UTS2: variants seen among roughly 807,000 people sequenced by gnomAD.
UTS2 encodes the protein urotensin 2.
In UTS2, 10 loss-of-function variants were observed where a neutral mutation model predicts 12.6. That is an observed-to-expected ratio of 0.80 (90% confidence interval 0.49 to 1.35). The LOEUF (loss-of-function observed/expected upper bound fraction) is 1.35. Ranked by LOEUF, UTS2 falls within the 40% of genes most tolerant of loss-of-function variation. The probability of loss-of-function intolerance (pLI) is 0.00; values close to 1 mark genes in which losing one functional copy is unlikely to be tolerated. For missense variants in UTS2, 142 were observed against 143.2 expected, an observed-to-expected ratio of 0.99 and a Z score of 0.04; for synonymous variants, 52 against 50.0, an observed-to-expected ratio of 1.04 and a Z score of -0.17.
At chr1:7,877,952 T>C in the UTS2 span, among the ~76,000 whole-genome samples, 12 of 152,128 alleles carry the variant, frequency 7.9e-5, no homozygotes, top group African/African-American at 2.9e-4. Flanking sequence ...GCTCAAAGAT[T>C]TCCAAATAGC....
chr1:7,866,992 C>T, the UTS2 span, among the ~76,000 whole-genome samples: 3,107 of 152,266 alleles, frequency 0.02, 90 homozygotes, highest in African/African-American at 0.071. The surrounding 1 kb of genome is among the most constrained non-coding windows in gnomAD (Gnocchi z 4.5). Flanking sequence ...GCCTCAGCCT[C>T]CCAAGTAGCT....
chr1:7,877,126 CA>C, the UTS2 span, among the ~76,000 whole-genome samples: 226 of 62,810 alleles, frequency 3.6e-3, 1 homozygote, highest in African/African-American at 0.012. Flanking sequence ...GAGACTCTAT[CA>C]AAAAAAAAAA....
the UTS2 span, among the ~76,000 whole-genome samples, chr1:7,860,911 G>A: frequency 6.7e-6 from 1 of 148,926 alleles, no homozygotes; most frequent in Non-Finnish European, 1.5e-5. Flanking sequence ...GCATGGTGGT[G>A]GACACCTGGA....
chr1:7,875,757 T>A, the UTS2 span, among the ~76,000 whole-genome samples: 4 of 151,894 alleles, frequency 2.6e-5, no homozygotes, highest in Non-Finnish European at 4.4e-5. Flanking sequence ...GCACCAGCCA[T>A]CATTCAGGAA....
chr1:7,907,241 A>G, the UTS2 span, among the ~76,000 whole-genome samples: 8 of 151,920 alleles, frequency 5.3e-5, no homozygotes, highest in African/African-American at 1.9e-4. Context: ...GGGTGACGAG[A>G]GACTGTCTCA....
chr1:7,898,663 G>A, the UTS2 span, among the ~76,000 whole-genome samples: 1 of 152,014 alleles, frequency 6.6e-6, no homozygotes, highest in Admixed American at 6.6e-5. Context: ...TTTTTTAGTA[G>A]AGACGGGGTT....
At chr1:7,853,437 AATCTTTC>A, upstream of UTS2, 1 of 1,612,972 alleles carries the variant, frequency 6.2e-7, no homozygotes, top group Non-Finnish European at 8.5e-7. Flanking sequence ...TCCATTTTTT[AATCTTTC>A]ATGAGTGAGT....
the UTS2 span, among the ~76,000 whole-genome samples, chr1:7,861,898 T>A: frequency 6.6e-6 from 1 of 151,746 alleles, no homozygotes; most frequent in Admixed American, 6.6e-5. Flanking sequence ...AGAATACTGG[T>A]TTCTAACAAA....
At chr1:7,904,591 A>G in the UTS2 span, among the ~76,000 whole-genome samples, 2 of 152,170 alleles carry the variant, frequency 1.3e-5, no homozygotes, top group Non-Finnish European at 2.9e-5. Flanking sequence ...CGTGTTATGC[A>G]ATATTTATGT....
chr1:7,880,120 T>C, the UTS2 span, among the ~76,000 whole-genome samples: 2 of 151,976 alleles, frequency 1.3e-5, no homozygotes, highest in African/African-American at 4.8e-5. Flanking sequence ...TAGGCAGGCA[T>C]GGTGGCACAC....
chr1:7,876,162 G>A, the UTS2 span, among the ~76,000 whole-genome samples: 2 of 152,116 alleles, frequency 1.3e-5, no homozygotes, highest in Non-Finnish European at 2.9e-5. Context: ...CCCAGGGCTG[G>A]AGGATGAGTC....
chr1:7,857,100 A>G (rs146363668), upstream of UTS2, among the ~76,000 whole-genome samples: 2 of 64,232 alleles, frequency 3.1e-5, no homozygotes, highest in African/African-American at 9.3e-5. Flanking sequence ...GGAAGGAAGA[A>G]AAGGAATGAA....
chr1:7,872,068 G>A, the UTS2 span, among the ~76,000 whole-genome samples: 50 of 152,122 alleles, frequency 3.3e-4, 1 homozygote, highest in African/African-American at 1.1e-3. Flanking sequence ...TTGGGAGGCC[G>A]AGGCGGGTGG....
the UTS2 span, among the ~76,000 whole-genome samples, chr1:7,907,490 T>A: frequency 1.3e-5 from 2 of 151,618 alleles, no homozygotes; most frequent in Non-Finnish European, 1.5e-5. Context: ...TACAAAAAAA[T>A]TTAAACATTT....
rs765346061 is a variant in UTS2, at chr1:7,852,981, C to T, written c.23G>A (p.Cys8Tyr). The change falls in exon 1 of 4, where the codon TGT becomes TAT. Residue 8 changes from cysteine to tyrosine, a missense_variant. Cys to Tyr is a radical substitution (Grantham distance 194). Coordinates refer to ENST00000361696, the MANE Select transcript of UTS2 (RefSeq NM_006786.4). ...ATTTAAGAATCCTATGAAAAGCAAA[C>T]AGCAGGAGGCCAGCTTATACATGAT... Reference protein sequence around the residue: MYKLASCCLLFIGFLNPL... With the variant: MYKLASCYLLFIGFLNPL... 5 of 1,613,372 alleles carry T rather than the reference C, an allele frequency of 3.1e-6. No individual in the cohort carries two copies. Among genetic ancestry groups the T allele is most frequent in the Non-Finnish European group, 4.2e-6 (5 of 1,179,716 alleles).
intron 2 of UTS2, among the ~76,000 whole-genome samples, chr1:7,850,065 G>A (rs2097412374): frequency 6.6e-6 from 1 of 151,748 alleles, no homozygotes; most frequent in Non-Finnish European, 1.5e-5. Flanking sequence ...TGCCTCCTGG[G>A]TTCAAGCAAT....
At chr1:7,867,808 G>A in the UTS2 span, among the ~76,000 whole-genome samples, 1 of 152,140 alleles carries the variant, frequency 6.6e-6, no homozygotes, top group Non-Finnish European at 1.5e-5. Flanking sequence ...CCCGGGAGGT[G>A]GAAGTTGCAG....
chr1:7,870,633 T>TTGA, the UTS2 span, among the ~76,000 whole-genome samples: 1 of 152,240 alleles, frequency 6.6e-6, no homozygotes, highest in African/African-American at 2.4e-5. Flanking sequence ...TAACTAAGCT[T>TTGA]TGATTTCCAA....
At chr1:7,909,466 C>T in the UTS2 span, among the ~76,000 whole-genome samples, 1 of 149,148 alleles carries the variant, frequency 6.7e-6, no homozygotes, top group African/African-American at 2.5e-5. Flanking sequence ...ATTGCTTGAA[C>T]CCAGGAGGTG....
Sources: gnomAD v4.1 joint callset for allele counts (sites outside exome capture counted in the v4.1 genomes callset) on GRCh38, gnomAD v4.1.1 for gene constraint, Gnocchi (gnomAD v3.1) non-coding constraint, MANE v1.5 for transcripts, NCBI Gene and HGNC (gene_info 2026-07-23, HGNC 2026-07-21) for gene names.